PIBF1: variants seen among roughly 807,000 people sequenced by gnomAD.
The protein encoded by PIBF1 is progesterone immunomodulatory binding factor 1, also known as progesterone-induced-blocking factor 1.
Under a neutral mutation model 112.5 loss-of-function variants are expected in PIBF1, and 90 were observed. That is an observed-to-expected ratio of 0.80 (90% CI 0.67 to 0.95). The LOEUF (loss-of-function observed/expected upper bound fraction) is 0.95, where lower values mean the gene tolerates loss of function less well. Ranked by LOEUF, PIBF1 falls within the 40% of genes least tolerant of loss-of-function variation. The pLI is 0.00. For missense variants in PIBF1, 915 were observed against 852.3 expected (o/e 1.07, Z -0.92); for synonymous variants, 301 against 288.6 (o/e 1.04, Z -0.44).
intron 16 of PIBF1, among the ~76,000 whole-genome samples, chr13:72,977,350 C>A (rs140924819): frequency 0.027 from 4,051 of 152,018 alleles, 74 homozygotes; most frequent in Non-Finnish European, 0.041. Flanking sequence ...GATTAACAGG[C>A]GCATGCCACC....
chr13:72,965,104 A>G (rs2042705376), intron 14 of PIBF1, among the ~76,000 whole-genome samples, 170 bp from the exon 15 acceptor site: 1 of 152,258 alleles, frequency 6.6e-6, no homozygotes, highest in African/African-American at 2.4e-5. Context: ...GTTGCTATTA[A>G]GAATAGCTAT....
chr13:72,794,593 T>C (rs2035096802), intron 3 of PIBF1, among the ~76,000 whole-genome samples: 1 of 152,180 alleles, frequency 6.6e-6, no homozygotes, highest in South Asian at 2.1e-4. Flanking sequence ...CATGCTGTTC[T>C]CATGATAGTG....
At chr13:72,847,502 CCACTCTCATGGCCTAAT>C (rs1157112665) in intron 9 of PIBF1, among the ~76,000 whole-genome samples, 1 of 152,150 alleles carries the variant, frequency 6.6e-6, no homozygotes, top group African/African-American at 2.4e-5. Context: ...GGCACCATTC[CCACTCTCATGGCCTAAT>C]CACCATTATC....
intron 10 of PIBF1, among the ~76,000 whole-genome samples, chr13:72,857,158 C>G (rs1246985928): frequency 2.9e-4 from 44 of 152,040 alleles, no homozygotes; most frequent in Admixed American, 2.8e-3. Context: ...TAAATAAGAA[C>G]AATGAATTGT....
chr13:72,953,557 G>A (rs1300853293), intron 14 of PIBF1, among the ~76,000 whole-genome samples: 1 of 152,202 alleles, frequency 6.6e-6, no homozygotes, highest in Non-Finnish European at 1.5e-5. Context: ...GGAGAGGAGT[G>A]ACGTAGACTC....
intron 14 of PIBF1, among the ~76,000 whole-genome samples, chr13:72,943,209 G>A: frequency 6.6e-6 from 1 of 152,136 alleles, no homozygotes; most frequent in Non-Finnish European, 1.5e-5. Context: ...CTGGGAAGGT[G>A]AAGATGGGGA....
chr13:72,828,950 C>A (rs868618213), intron 8 of PIBF1, among the ~76,000 whole-genome samples: 1 of 152,136 alleles, frequency 6.6e-6, no homozygotes, highest in East Asian at 1.9e-4. Context: ...CTTGTTGTTT[C>A]CTGACTTTTT....
At chr13:72,907,950 A>G (rs531485166) in intron 11 of PIBF1, among the ~76,000 whole-genome samples, 4 of 152,186 alleles carry the variant, frequency 2.6e-5, no homozygotes, top group African/African-American at 9.6e-5. Context: ...TGCCCTTTGC[A>G]TCTCATTTTT....
At chr13:72,892,810 G>A (rs9543164) in intron 10 of PIBF1, among the ~76,000 whole-genome samples, 57,071 of 116,290 alleles carry the variant, frequency 0.49, 12,859 homozygotes, top group South Asian at 0.61. Flanking sequence ...ACACACACAC[G>A]CACACGCACA....
At chr13:72,895,334 A>T (rs1256551303) in intron 11 of PIBF1, among the ~76,000 whole-genome samples, 1 of 149,410 alleles carries the variant, frequency 6.7e-6, no homozygotes, top group African/African-American at 2.4e-5. Flanking sequence ...TTAAAATAAT[A>T]TATATAATAT....
At chr13:72,787,054 A>T (rs185210804) in intron 2 of PIBF1, among the ~76,000 whole-genome samples, 72 of 152,292 alleles carry the variant, frequency 4.7e-4, no homozygotes, top group Non-Finnish European at 9.3e-4. Flanking sequence ...AAGAATATTT[A>T]AAAAATATTT....
intron 5 of PIBF1, among the ~76,000 whole-genome samples, chr13:72,803,044 A>G (rs1183370124): frequency 2.0e-5 from 3 of 152,202 alleles, no homozygotes; most frequent in Non-Finnish European, 4.4e-5. Flanking sequence ...TAACAAGGTC[A>G]TTGAAAACCT....
chr13:72,954,427 C>T (rs115992267), intron 14 of PIBF1, among the ~76,000 whole-genome samples: 4,338 of 152,278 alleles, frequency 0.028, 209 homozygotes, highest in African/African-American at 0.098. Flanking sequence ...AATCATATTG[C>T]GAATCTCAGG....
intron 10 of PIBF1, among the ~76,000 whole-genome samples, chr13:72,891,231 TA>T (rs2138555120): frequency 6.6e-6 from 1 of 152,270 alleles, no homozygotes; most frequent in South Asian, 2.1e-4. Flanking sequence ...TTGGCAGTGA[TA>T]TCCGAAGCAA....
intron 16 of PIBF1, among the ~76,000 whole-genome samples, chr13:72,995,224 C>G (rs1172248025): frequency 6.6e-6 from 1 of 151,064 alleles, no homozygotes; most frequent in Admixed American, 6.6e-5. Context: ...TTGCTTGAAC[C>G]TGGGAGGCAG....
chr13:72,808,680 T>C (rs1238615466), intron 5 of PIBF1, among the ~76,000 whole-genome samples: 1 of 152,166 alleles, frequency 6.6e-6, no homozygotes, highest in African/African-American at 2.4e-5. Flanking sequence ...AAGCAGAAAT[T>C]ACCCAGAGAA....
At chr13:72,813,057 G>A (rs1047210583) in intron 5 of PIBF1, among the ~76,000 whole-genome samples, 1 of 152,156 alleles carries the variant, frequency 6.6e-6, no homozygotes, top group Admixed American at 6.5e-5. Context: ...ATCACTGTAT[G>A]AATAAAAGTT....
At chr13:72,791,354 T>G (rs186979572) in intron 2 of PIBF1, among the ~76,000 whole-genome samples, 12 of 151,974 alleles carry the variant, frequency 7.9e-5, no homozygotes, top group African/African-American at 2.7e-4. Context: ...ACGCCCTGCC[T>G]GAAATTCATG....
intron 17 of PIBF1, among the ~76,000 whole-genome samples, chr13:72,999,355 A>G (rs1010492368): frequency 3.9e-5 from 6 of 152,180 alleles, no homozygotes; most frequent in African/African-American, 1.2e-4. Flanking sequence ...ATTTTTAAAA[A>G]TAGAGAAAAT....
Sources: allele counts gnomAD v4.1 joint callset (sites outside exome capture counted in the v4.1 genomes callset), GRCh38; gene constraint gnomAD v4.1.1; transcripts MANE v1.5; gene names NCBI Gene and HGNC (gene_info 2026-07-23, HGNC 2026-07-21).